The following HIVEP1 variants were observed in gnomAD, a reference collection of about 807,000 sequenced individuals.
The protein encoded by HIVEP1 is HIVEP zinc finger 1.
In HIVEP1, 36 loss-of-function variants were observed where a neutral mutation model predicts 180.0. The observed-to-expected ratio is 0.20, with a 90% CI of 0.15 to 0.26. The LOEUF (loss-of-function observed/expected upper bound fraction) is 0.26. Ranked by LOEUF, HIVEP1 falls within the 10% of genes least tolerant of loss-of-function variation. The probability of loss-of-function intolerance (pLI) is 1.00; values close to 1 mark genes in which losing one functional copy is unlikely to be tolerated. For missense variants in HIVEP1, 3,143 were observed against 3,268.7 expected (o/e 0.96, Z 0.94); for synonymous variants, 1,239 against 1,239.0 (o/e 1.00, Z 0.00).
chr6:12,165,592 T>C (rs1310831619), downstream of HIVEP1, among the ~76,000 whole-genome samples: 1 of 152,252 alleles, frequency 6.6e-6, no homozygotes, highest in East Asian at 1.9e-4. Flanking sequence ...CAGGAAAATA[T>C]GGCGGCATGG....
At chr6:12,108,714 G>T (rs1273423409) in intron 3 of HIVEP1, among the ~76,000 whole-genome samples, 1 of 152,200 alleles carries the variant, frequency 6.6e-6, no homozygotes, top group Non-Finnish European at 1.5e-5. Flanking sequence ...CGCCCACCCG[G>T]AGCTCCAGCT....
chr6:12,168,350 T>C (rs1488155536), downstream of HIVEP1, among the ~76,000 whole-genome samples: 1 of 78,322 alleles, frequency 1.3e-5, no homozygotes, highest in Admixed American at 1.4e-4. Flanking sequence ...TATACATGTA[T>C]ATGTATATAT....
At chr6:12,031,765 CAGT>C (rs1313303000) in intron 2 of HIVEP1, among the ~76,000 whole-genome samples, 5 of 152,202 alleles carry the variant, frequency 3.3e-5, no homozygotes, top group African/African-American at 7.2e-5. Flanking sequence ...AGAGCGCTGA[CAGT>C]GGTGGTTCTT....
Position 12,129,761 on chromosome 6 carries a change from A to T in HIVEP1, c.6078A>T (p.Arg2026Ser), listed in dbSNP as rs775434189. 3.1e-6 allele frequency: 5 copies of T among 1,600,452 alleles called. No individual in the cohort carries two copies. The East Asian group carries it at 1.1e-4, about 36-fold the overall frequency. Residue 2026 changes from arginine (R) to serine (S), a missense_variant and splice_region_variant, in exon 5 of 9, where the codon AGA (arginine) becomes AGT (serine). Physicochemically the swap from Arg to Ser is moderately radical, Grantham distance 110. Coordinates refer to ENST00000379388, the MANE Select transcript of HIVEP1 (RefSeq NM_002114.4). ...SSKWKSSLSK[R>S]ALGNQKSTVV... ...GTTTCTCTCTTTTTTCCTTTCAGAG[A>T]GCATTAGGTAATCAAAAGTCCACAG...
At chr6:12,041,082 G>A (rs1312914562) in intron 2 of HIVEP1, among the ~76,000 whole-genome samples, 1 of 152,128 alleles carries the variant, frequency 6.6e-6, no homozygotes, top group South Asian at 2.1e-4. Flanking sequence ...TCTCCTCTGA[G>A]CTGTTGACAG....
chr6:12,168,041 A>T (rs1178922555), downstream of HIVEP1, among the ~76,000 whole-genome samples: 3 of 51,806 alleles, frequency 5.8e-5, no homozygotes, highest in Non-Finnish European at 1.2e-4. Flanking sequence ...TATTATATAT[A>T]CATATACATA....
In HIVEP1 at chr6:12,123,331, T is replaced by C; in HGVS notation, c.3536T>C (p.Ile1179Thr). The change falls in exon 4 of 9, where the codon ATC becomes ACC. Residue 1179 changes from isoleucine to threonine, a missense_variant. Transcript: ENST00000379388. ...GKSGSLKVIGISQEESHPSRD... is the reference protein window; with the variant it reads ...GKSGSLKVIGTSQEESHPSRD... ...TCCGGGTCTCTAAAAGTGATAGGAA[T>C]CTCCCAAGAGGAAAGTCACCCTTCT... is the stretch of plus-strand genomic sequence containing the variant. 1 of 1,614,018 alleles carries C rather than the reference T, an allele frequency of 6.2e-7. No homozygotes were observed. Among genetic ancestry groups the C allele is most frequent in the Non-Finnish European group, 8.5e-7 (1 of 1,180,008 alleles).
the HIVEP1 span, among the ~76,000 whole-genome samples, chr6:12,199,751 A>G: frequency 2.0e-5 from 3 of 152,206 alleles, no homozygotes; most frequent in African/African-American, 7.2e-5. Context: ...TAAAATCTAT[A>G]TGTTGTACAA....
intron 2 of HIVEP1, among the ~76,000 whole-genome samples, chr6:12,035,634 C>T (rs950688230): frequency 5.9e-5 from 9 of 152,180 alleles, no homozygotes; most frequent in African/African-American, 1.9e-4. Context: ...TTTGTATACC[C>T]ACATAAGCAG....
intron 2 of HIVEP1, among the ~76,000 whole-genome samples, chr6:12,020,037 C>G (rs891293253): frequency 4.6e-5 from 7 of 152,150 alleles, no homozygotes; most frequent in Non-Finnish European, 1.0e-4. Context: ...TACTTCTTTG[C>G]TCTTAGAGGT....
intron 2 of HIVEP1, among the ~76,000 whole-genome samples, chr6:12,061,869 G>A (rs557301583): frequency 4.6e-5 from 7 of 152,144 alleles, no homozygotes; most frequent in South Asian, 2.1e-4. Context: ...TCTATTTCTC[G>A]TGAGGAAATC....
intron 2 of HIVEP1, among the ~76,000 whole-genome samples, chr6:12,058,411 TGG>T (rs1771009918): frequency 6.6e-6 from 1 of 152,228 alleles, no homozygotes; most frequent in Non-Finnish European, 1.5e-5. Flanking sequence ...CCAAGTTGGC[TGG>T]CTCTTTTGAA....
At chr6:12,198,566 G>A in the HIVEP1 span, among the ~76,000 whole-genome samples, 1 of 152,196 alleles carries the variant, frequency 6.6e-6, no homozygotes, top group Non-Finnish European at 1.5e-5. Flanking sequence ...GGTAAGGAGA[G>A]CCCCATAGGA....
chr6:12,017,467 G>C (rs878877474), intron 2 of HIVEP1, among the ~76,000 whole-genome samples: 1 of 152,236 alleles, frequency 6.6e-6, no homozygotes, highest in Non-Finnish European at 1.5e-5. Flanking sequence ...AGAGCAAGCA[G>C]TAGCAAGATT....
At chr6:12,167,499 ACTT>A (rs934456278), downstream of HIVEP1, among the ~76,000 whole-genome samples, 13 of 133,748 alleles carry the variant, frequency 9.7e-5, no homozygotes, top group Non-Finnish European at 2.0e-4. Context: ...TAAATTTCCT[ACTT>A]AATATTCAAA....
intron 2 of HIVEP1, among the ~76,000 whole-genome samples, chr6:12,048,209 G>A (rs921837273): frequency 5.3e-5 from 8 of 152,252 alleles, no homozygotes; most frequent in African/African-American, 1.9e-4. Flanking sequence ...GATAAGAGTA[G>A]GTGGGCCATG....
chr6:12,096,555 A>C (rs1382318226), intron 3 of HIVEP1, among the ~76,000 whole-genome samples: 1 of 151,792 alleles, frequency 6.6e-6, no homozygotes, highest in East Asian at 1.9e-4. Flanking sequence ...CAATGATATT[A>C]TTAAAAAAAT....
intron 3 of HIVEP1, among the ~76,000 whole-genome samples, chr6:12,098,967 T>C (rs1773936521): frequency 6.6e-6 from 1 of 152,204 alleles, no homozygotes; most frequent in African/African-American, 2.4e-5. Flanking sequence ...TTATTTTATT[T>C]AAGAAAAGCG....
At chr6:12,017,739 A>G (rs1291336798) in intron 2 of HIVEP1, among the ~76,000 whole-genome samples, 1 of 152,230 alleles carries the variant, frequency 6.6e-6, no homozygotes, top group Non-Finnish European at 1.5e-5. Flanking sequence ...AGCTAGATAC[A>G]GAGTGCTGAT....
Sources: gnomAD v4.1 joint callset for allele counts (sites outside exome capture counted in the v4.1 genomes callset) on GRCh38, gnomAD v4.1.1 for gene constraint, MANE v1.5 for transcripts, NCBI Gene and HGNC (gene_info 2026-07-23, HGNC 2026-07-21) for gene names.